Variants in CYB5A observed in about 807,000 individuals in gnomAD.
CYB5A encodes the protein cytochrome b5.
Under a neutral mutation model 16.2 loss-of-function variants are expected in CYB5A, and 10 were observed. The observed-to-expected ratio is 0.62, with a 90% CI of 0.38 to 1.04. The LOEUF (loss-of-function observed/expected upper bound fraction) is 1.04, where lower values mean the gene tolerates loss of function less well. Ranked by LOEUF, CYB5A falls within the 50% of genes least tolerant of loss-of-function variation. The pLI is 0.01. For synonymous variants in CYB5A, 62 were observed against 57.0 expected (o/e 1.09, Z -0.40); for missense variants, 161 against 165.9 (o/e 0.97, Z 0.16).
In CYB5A at chr18:74,275,692, A is replaced by T. The variant is rs533553635; in HGVS notation, c.130-12215T>A. ...GAAGCTTCCTACCAATCAGGGTTTG[A>T]CATGCAGCAAGCAACAAGAGGAACA... On this transcript the variant is annotated intron_variant, in intron 1 of 4. Transcript: ENST00000340533. Among the ~76,000 whole-genome samples the T allele has an allele frequency of 4.6e-5, 7 of 152,304 alleles. No individual in the cohort carries two copies. The South Asian group carries it at 1.5e-3, about 32-fold the overall frequency.
At chr18:74,289,677 G>A (rs186308124) in intron 1 of CYB5A, among the ~76,000 whole-genome samples, 275 of 151,834 alleles carry the variant, frequency 1.8e-3, no homozygotes, top group Admixed American at 6.2e-3. Context: ...TTGGGAGGCT[G>A]AGGCAGGAGA....
chr18:74,262,978 C>A (rs1283184480), intron 2 of CYB5A, among the ~76,000 whole-genome samples: 1 of 151,976 alleles, frequency 6.6e-6, no homozygotes, highest in Non-Finnish European at 1.5e-5. Flanking sequence ...GGTGAAACCC[C>A]GTCTCTACAA....
chr18:74,267,557 C>T (rs1438466081), intron 1 of CYB5A, among the ~76,000 whole-genome samples: 2 of 152,126 alleles, frequency 1.3e-5, no homozygotes, highest in Non-Finnish European at 1.5e-5. Context: ...CAGAGATAAA[C>T]GTGTGGCAGC....
At chr18:74,279,121 T>A (rs969822066) in intron 1 of CYB5A, among the ~76,000 whole-genome samples, 8 of 152,216 alleles carry the variant, frequency 5.3e-5, no homozygotes, top group Non-Finnish European at 7.4e-5. Flanking sequence ...TGCAACCCGA[T>A]GTCCTCAGAG....
intron 1 of CYB5A, among the ~76,000 whole-genome samples, chr18:74,289,071 T>A (rs1360662070): frequency 6.6e-6 from 1 of 152,178 alleles, no homozygotes; most frequent in African/African-American, 2.4e-5. Context: ...TAACTCCTTG[T>A]GTTTCTCCCA....
intron 1 of CYB5A, among the ~76,000 whole-genome samples, chr18:74,268,202 G>A (rs549353562): frequency 9.8e-5 from 15 of 152,334 alleles, no homozygotes; most frequent in African/African-American, 3.6e-4. Context: ...GCAAGTGAAA[G>A]GAAATGTCCT....
In CYB5A at chr18:74,251,762, CAT is replaced by C. The variant is rs763025997; in HGVS notation, c.*1820_*1821del. Reference sequence around the variant, plus strand: ...AGGAAGTAAACTCTCCTTTACTCCACATGTTGTTCCCAAAACACATGAAGAAA... The same window carrying C: ...AGGAAGTAAACTCTCCTTTACTCCACGTTGTTCCCAAAACACATGAAGAAA... On this transcript the variant is annotated 3_prime_UTR_variant, in exon 5 of 5. Transcript: ENST00000340533. 59 of 152,344 alleles carry C rather than the reference CAT, an allele frequency of 3.9e-4. No individual in the cohort carries two copies. Among genetic ancestry groups the C allele is most frequent in the African/African-American group, 1.1e-3 (46 of 41,580 alleles). 9.4% of individuals were successfully genotyped at this position (152,344 alleles called of 1,614,324 possible). A position where few individuals can be genotyped will look rare whatever the true frequency, so the allele number is the denominator to read the frequency against.
At chr18:74,271,368 T>C (rs987312399) in intron 1 of CYB5A, among the ~76,000 whole-genome samples, 6 of 152,114 alleles carry the variant, frequency 3.9e-5, no homozygotes, top group Non-Finnish European at 8.8e-5. Flanking sequence ...ATCACTGAAG[T>C]GTGGATTTGA....
At chr18:74,282,672 G>A (rs1008414303) in intron 1 of CYB5A, among the ~76,000 whole-genome samples, 1 of 152,176 alleles carries the variant, frequency 6.6e-6, no homozygotes, top group African/African-American at 2.4e-5. Context: ...GGGAAACCAG[G>A]GCAAAGGTTT....
intron 1 of CYB5A, among the ~76,000 whole-genome samples, chr18:74,285,198 AAG>A (rs1983273128): frequency 6.6e-6 from 1 of 152,192 alleles, no homozygotes; most frequent in African/African-American, 2.4e-5. Flanking sequence ...GCCATGTTCA[AAG>A]GAAAATAACA....
chr18:74,265,198 A>G (rs1982386060), intron 1 of CYB5A, among the ~76,000 whole-genome samples: 1 of 152,218 alleles, frequency 6.6e-6, no homozygotes, highest in South Asian at 2.1e-4. Context: ...CCTAGTGCTA[A>G]GGACATCCAC....
intron 1 of CYB5A, among the ~76,000 whole-genome samples, chr18:74,270,332 A>G (rs1982622754): frequency 6.6e-6 from 1 of 152,072 alleles, no homozygotes; most frequent in South Asian, 2.1e-4. Context: ...ATGTGGGCGG[A>G]TTGCTTGAGG....
Position 74,253,420 on chromosome 18 carries a change from G to A in CYB5A, c.*164C>T, listed in dbSNP as rs1981837941. On this transcript the variant is annotated 3_prime_UTR_variant, in exon 5 of 5. Transcript: ENST00000340533. ...ACTCGAAAAATTTGAGCGCAGAAAG[G>A]ACAGTTCTTTTTGTTTTGTTTCTAA... is the stretch of plus-strand genomic sequence containing the variant. The A allele has an allele frequency of 5.2e-6, 3 of 576,928 alleles. No individual in the cohort carries two copies. The highest frequency in any genetic ancestry group is 3.8e-5 in the African/African-American group (2 of 53,040). The allele number at this position is 576,928 out of a possible 1,614,324, so 35.7% of individuals were successfully genotyped here.
chr18:74,270,665 G>C (rs1420741154), intron 1 of CYB5A, among the ~76,000 whole-genome samples: 1 of 152,126 alleles, frequency 6.6e-6, no homozygotes, highest in African/African-American at 2.4e-5. Context: ...AAACTATACA[G>C]TATAACTGCT....
In CYB5A at chr18:74,291,800, T is replaced by C. The variant is rs773874716; in HGVS notation, c.76A>G (p.Thr26Ala). The C allele has an allele frequency of 9.9e-6, 16 of 1,613,922 alleles. No individual in the cohort carries two copies. The highest frequency in any genetic ancestry group is 1.4e-5 in the Non-Finnish European group (16 of 1,179,840). Reference sequence around the variant, plus strand: ...ACCTTGTGGTGCAGGATCAGCCAGGTGCTCTTGCTGTGGTTGTGCTTCTGA... The same window carrying C: ...ACCTTGTGGTGCAGGATCAGCCAGGCGCTCTTGCTGTGGTTGTGCTTCTGA... ...EIQKHNHSKS[T>A]WLILHHKVYD... The change falls in exon 1 of 5, where the codon ACC becomes GCC. Residue 26 changes from threonine (T) to alanine (A), a missense_variant. Thr to Ala is a moderately conservative substitution (Grantham distance 58, BLOSUM62 0). Transcript: ENST00000340533.
intron 1 of CYB5A, among the ~76,000 whole-genome samples, chr18:74,266,468 C>T (rs964841980): frequency 2.0e-5 from 3 of 152,154 alleles, no homozygotes; most frequent in Non-Finnish European, 4.4e-5. Context: ...AGGACGACTT[C>T]GAGTGAGGTT....
chr18:74,282,852 T>C (rs1029349556), intron 1 of CYB5A, among the ~76,000 whole-genome samples: 1 of 152,176 alleles, frequency 6.6e-6, no homozygotes, highest in African/African-American at 2.4e-5. Context: ...ACAATTTTAT[T>C]CTAAATGCAA....
chr18:74,263,974 G>C (rs1410068121), intron 1 of CYB5A, among the ~76,000 whole-genome samples: 1 of 152,096 alleles, frequency 6.6e-6, no homozygotes, highest in Non-Finnish European at 1.5e-5. Context: ...GCTCACGCCT[G>C]TAATCCTAGG....
chr18:74,272,597 T>C (rs1982711306), intron 1 of CYB5A, among the ~76,000 whole-genome samples: 1 of 152,212 alleles, frequency 6.6e-6, no homozygotes, highest in African/African-American at 2.4e-5. Flanking sequence ...AGAGTTTCTC[T>C]TATTTACACT....
Sources: allele counts gnomAD v4.1 joint callset (sites outside exome capture counted in the v4.1 genomes callset), GRCh38; gene constraint gnomAD v4.1.1; transcripts MANE v1.5; gene names NCBI Gene and HGNC (gene_info 2026-07-23, HGNC 2026-07-21).